Variants in TUBA3C observed in about 807,000 individuals in gnomAD.
TUBA3C encodes tubulin alpha-3C chain.
TUBA3C carries 23 observed loss-of-function variants against 33.4 expected under a neutral mutation model. The ratio of observed to expected loss-of-function variants is 0.69; its 90% CI spans 0.50 to 0.98. TUBA3C has a LOEUF of 0.98. TUBA3C is among the 50% of genes least tolerant of loss of function. The pLI is 0.00. For synonymous variants in TUBA3C, 269 were observed against 250.4 expected, an observed-to-expected ratio of 1.07 and a Z score of -0.70; for missense variants, 402 against 616.0, an observed-to-expected ratio of 0.65 and a Z score of 3.68.
chr13:19,180,814 C>T (rs894163601), intron 1 of TUBA3C, among the ~76,000 whole-genome samples: 2 of 151,832 alleles, frequency 1.3e-5, no homozygotes, highest in East Asian at 4.0e-4. Context: ...AAACATTAGC[C>T]AGCTGTGGCA....
chr13:19,176,693 T>G (rs1565970963), intron 4 of TUBA3C, among the ~76,000 whole-genome samples: 1 of 115,928 alleles, frequency 8.6e-6, no homozygotes, highest in Non-Finnish European at 1.6e-5. Flanking sequence ...ACCACTTTAC[T>G]CCAGCCTGGG....
chr13:19,181,696 T>C (rs751162451), intron 1 of TUBA3C, 49 bp downstream of exon 1: 24 of 1,600,572 alleles, frequency 1.5e-5, no homozygotes, highest in Non-Finnish European at 1.9e-5. Context: ...GCCAACTTCG[T>C]CCACCCTCCA....
intron 1 of TUBA3C, 86 bp from the exon 2 acceptor site, chr13:19,179,649 T>C: frequency 1.4e-6 from 2 of 1,440,084 alleles, no homozygotes; most frequent in South Asian, 2.9e-5. Flanking sequence ...ATTTAATATT[T>C]ATATACTGCT....
chr13:19,175,900 T>C (rs573720151), intron 4 of TUBA3C, among the ~76,000 whole-genome samples: 1 of 151,824 alleles, frequency 6.6e-6, no homozygotes, highest in Non-Finnish European at 1.5e-5. Context: ...CCCGCCACCA[T>C]ACCCGGCTAA....
At chr13:19,180,907 G>A (rs1869390496) in intron 1 of TUBA3C, among the ~76,000 whole-genome samples, 1 of 150,606 alleles carries the variant, frequency 6.6e-6, no homozygotes, top group African/African-American at 2.4e-5. Flanking sequence ...GCAGGGAGCC[G>A]TGATCGTGCA....
Position 19,179,408 on chromosome 13 carries a change from G to A in TUBA3C, c.159C>T (p.Phe53=), listed in dbSNP as rs148475096. Residue 53 remains phenylalanine (F), a synonymous_variant, in exon 2 of 5, where the codon TTC becomes TTT. Transcript: ENST00000400113. ...CGTGCTTGCCAGCTCCAGTCTCACT[G>A]AAGAACGTGTTGAAGGAGTCGTCCC... The part of the protein sequence containing the change: ...GGGDDSFNTF[F]SETGAGKHVP... The A allele has an allele frequency of 3.8e-5, 62 of 1,613,876 alleles. No individual in the cohort carries two copies. The Admixed American group carries it at 1.0e-3, about 26-fold the overall frequency.
intron 4 of TUBA3C, among the ~76,000 whole-genome samples, chr13:19,176,204 A>C (rs1203269102): frequency 6.6e-6 from 1 of 152,280 alleles, no homozygotes; most frequent in East Asian, 1.9e-4. Context: ...AGATCACTTA[A>C]GACCAGGAAT....
At position 19,174,109 on chromosome 13, in the gene TUBA3C, G is replaced by A. The variant is rs368126322; in HGVS notation, c.1107C>T (p.Ala369=). Reference sequence around the variant, plus strand: ...GCATGCACACAGCCCGCTGCACCTTGGCCAGGTCTCCCCCAGGGACCACCG... The same window carrying A: ...GCATGCACACAGCCCGCTGCACCTTAGCCAGGTCTCCCCCAGGGACCACCG... ...PPTVVPGGDL[A]KVQRAVCMLS... is the part of the protein sequence containing the mutation. The change falls in exon 5 of 5, where the codon GCC becomes GCT. Residue 369 remains alanine, a synonymous_variant. Transcript: ENST00000400113. 1 of 1,613,838 alleles carries A rather than the reference G, an allele frequency of 6.2e-7. No homozygotes were observed.
Sources: allele counts gnomAD v4.1 joint callset (sites outside exome capture counted in the v4.1 genomes callset), GRCh38; gene constraint gnomAD v4.1.1; transcripts MANE v1.5; gene names NCBI Gene and HGNC (gene_info 2026-07-23, HGNC 2026-07-21).